SPECC1L: variants seen among roughly 807,000 people sequenced by gnomAD.
SPECC1L encodes sperm antigen with calponin homology and coiled-coil domains 1 like.
SPECC1L carries 40 observed loss-of-function variants against 116.8 expected under a neutral mutation model. The ratio of observed to expected loss-of-function variants is 0.34; its 90% CI spans 0.27 to 0.45. SPECC1L has a LOEUF of 0.45. Ranked by LOEUF, SPECC1L falls within the 20% of genes least tolerant of loss-of-function variation. The probability of loss-of-function intolerance (pLI) is 1.00; values close to 1 mark genes in which losing one functional copy is unlikely to be tolerated. For synonymous variants in SPECC1L, 504 were observed against 500.6 expected, an observed-to-expected ratio of 1.01 and a Z score of -0.09; for missense variants, 1,110 against 1,373.6, an observed-to-expected ratio of 0.81 and a Z score of 3.03.
rs572350586 is a variant in SPECC1L, at chr22:24,343,854, A to G, written c.2653-3232A>G. Among the ~76,000 whole-genome samples, 12 of 152,322 alleles carry G rather than the reference A, an allele frequency of 7.9e-5. No individual in the cohort carries two copies. In the South Asian group the frequency reaches 2.3e-3, roughly 29 times the overall value. Reference sequence around the variant, plus strand: ...ATTTAGGCAAACAAAAGCTGAGGGAATTCATTATCCACAGACAGTTGGGGG... The same window carrying G: ...ATTTAGGCAAACAAAAGCTGAGGGAGTTCATTATCCACAGACAGTTGGGGG... On this transcript the variant is annotated intron_variant, in intron 10 of 16. Coordinates refer to ENST00000314328, the MANE Select transcript of SPECC1L (RefSeq NM_015330.6).
chr22:24,393,616 G>A (rs2042311867), intron 14 of SPECC1L, among the ~76,000 whole-genome samples: 1 of 152,172 alleles, frequency 6.6e-6, no homozygotes, highest in Non-Finnish European at 1.5e-5. Flanking sequence ...GAGAGCCTGT[G>A]TGGTACCTAA....
intron 14 of SPECC1L, among the ~76,000 whole-genome samples, chr22:24,380,573 G>A (rs2042046541): frequency 6.6e-6 from 1 of 152,216 alleles, no homozygotes; most frequent in African/African-American, 2.4e-5. Context: ...GCTGATCACT[G>A]TAATTTCATT....
chr22:24,310,626 G>C (rs1280033424), intron 3 of SPECC1L, among the ~76,000 whole-genome samples: 1 of 151,996 alleles, frequency 6.6e-6, no homozygotes, highest in East Asian at 1.9e-4. Flanking sequence ...TTTGTAAACT[G>C]ATTGTGTGAT....
At chr22:24,291,814 A>G (rs2049162351) in intron 2 of SPECC1L, among the ~76,000 whole-genome samples, 1 of 152,222 alleles carries the variant, frequency 6.6e-6, no homozygotes, top group Admixed American at 6.5e-5. Flanking sequence ...ACCCAGGGAT[A>G]TAGAAGGATA....
intron 9 of SPECC1L, among the ~76,000 whole-genome samples, chr22:24,335,298 G>C (rs555425407): frequency 6.6e-6 from 1 of 152,054 alleles, no homozygotes; most frequent in Non-Finnish European, 1.5e-5. Context: ...AAAATCCTTC[G>C]GTTGCTTATT....
In SPECC1L at chr22:24,322,034, G is replaced by C. The variant is rs1370538222; in HGVS notation, c.1054G>C (p.Val352Leu). 6.2e-7 allele frequency: 1 copy of C among 1,614,176 alleles called. No homozygotes were observed. The highest frequency in any genetic ancestry group is 1.6e-4 in the Middle Eastern group (1 of 6,062). The change falls in exon 5 of 17, where the codon GTC (valine) becomes CTC (leucine). Residue 352 changes from valine (V) to leucine (L), a missense_variant. Physicochemically the swap from Val to Leu is conservative, Grantham distance 32. Coordinates refer to ENST00000314328, the MANE Select transcript of SPECC1L (RefSeq NM_015330.6). ...MDNLDSECSE[V>L]YQPLTSSDDA... ...CAATTTAGACAGTGAGTGCAGTGAG[G>C]TCTACCAGCCCCTCACATCGAGCGA...
chr22:24,284,923 A>G (rs957419135), intron 2 of SPECC1L, among the ~76,000 whole-genome samples: 4 of 152,184 alleles, frequency 2.6e-5, no homozygotes, highest in African/African-American at 9.7e-5. Flanking sequence ...ATGAGAAGAG[A>G]AAGGGAGAGA....
rs1186415259 is a variant in SPECC1L at position 24,321,473 on chromosome 22, C to T, written c.493C>T (p.Arg165Cys). The T allele has an allele frequency of 6.2e-7, 1 of 1,614,244 alleles. No homozygotes were observed. Among genetic ancestry groups the T allele is most frequent in the Non-Finnish European group, 8.5e-7 (1 of 1,180,056 alleles). ...TCGAACTGCTACAGAATGTGACGTT[C>T]GTATGAGCAAGTCTAAGTCAGACAA... ...RSRTATECDV[R>C]MSKSKSDNQI... Residue 165 changes from arginine (R) to cysteine (C), a missense_variant, in exon 5 of 17, where the codon CGT (arginine) becomes TGT (cysteine). Around this residue, in one of 4 missense-constraint regions of SPECC1L, gnomAD observed 437 missense variants for 482.6 expected, o/e 0.91. Coordinates refer to ENST00000314328, the MANE Select transcript of SPECC1L (RefSeq NM_015330.6).
chr22:24,306,740 ACCATCCATCT>A (rs2049506256), intron 3 of SPECC1L, among the ~76,000 whole-genome samples: 1 of 152,102 alleles, frequency 6.6e-6, no homozygotes, highest in South Asian at 2.1e-4. Flanking sequence ...AACCATCATC[ACCATCCATCT>A]CCAGAACTTG....
intron 14 of SPECC1L, among the ~76,000 whole-genome samples, chr22:24,410,461 C>A (rs1290833827): frequency 1.3e-5 from 2 of 152,222 alleles, no homozygotes; most frequent in African/African-American, 4.8e-5. Context: ...TTCTCCCTGG[C>A]AGAGTTGAGG....
chr22:24,399,280 A>T (rs930261653), intron 14 of SPECC1L, among the ~76,000 whole-genome samples: 2 of 152,220 alleles, frequency 1.3e-5, no homozygotes, highest in African/African-American at 4.8e-5. Context: ...TGACTAAAAA[A>T]AGTTAAAGCG....
chr22:24,296,214 A>C (rs963568289), intron 2 of SPECC1L, among the ~76,000 whole-genome samples: 4 of 152,172 alleles, frequency 2.6e-5, no homozygotes, highest in Admixed American at 6.5e-5. Context: ...GCAATCTCTG[A>C]TCCTTAGTTC....
chr22:24,333,729 A>ATATATAT (rs1165969166), intron 8 of SPECC1L, among the ~76,000 whole-genome samples: 15 of 152,148 alleles, frequency 9.9e-5, no homozygotes, highest in African/African-American at 3.6e-4. Flanking sequence ...GGTACTGGTG[A>ATATATAT]ACCTCCAGAC....
At chr22:24,336,057 T>C (rs1360599501) in intron 9 of SPECC1L, among the ~76,000 whole-genome samples, 1 of 151,978 alleles carries the variant, frequency 6.6e-6, no homozygotes, top group African/African-American at 2.4e-5. Context: ...CTAGAAATTG[T>C]TTAAATACCT....
Position 24,302,473 on chromosome 22 carries a change from G to T in SPECC1L, c.153+89G>T, listed in dbSNP as rs1308727948. 4 of 1,534,326 alleles carry T rather than the reference G, an allele frequency of 2.6e-6. No homozygotes were observed. The African/African-American group carries it at 5.5e-5, about 21-fold the overall frequency. ...AATATATTAAATGAGCATTCTTAGG[G>T]GTGTGCCCTCTTCTGGTGCTGGGAA... On this transcript the variant is annotated intron_variant, in intron 3 of 16. Transcript: ENST00000314328.
At chr22:24,279,742 C>T (rs1265976880) in intron 2 of SPECC1L, among the ~76,000 whole-genome samples, 1 of 151,878 alleles carries the variant, frequency 6.6e-6, no homozygotes, top group Non-Finnish European at 1.5e-5. Flanking sequence ...GCCACCATGC[C>T]CGGCTAATTT....
intron 10 of SPECC1L, among the ~76,000 whole-genome samples, chr22:24,346,112 T>G (rs1170503241): frequency 6.6e-6 from 1 of 151,896 alleles, no homozygotes; most frequent in Admixed American, 6.6e-5. Context: ...CTTCAAGTGA[T>G]TCTCCTGCCT....
At chr22:24,406,111 G>T (rs1422948524) in intron 14 of SPECC1L, among the ~76,000 whole-genome samples, 1 of 152,144 alleles carries the variant, frequency 6.6e-6, no homozygotes, top group Non-Finnish European at 1.5e-5. Context: ...GGAAGGTAGG[G>T]ATCATAAGTT....
chr22:24,273,497 G>A (rs5760301), intron 1 of SPECC1L, among the ~76,000 whole-genome samples: 84,196 of 151,946 alleles, frequency 0.55, 23,684 homozygotes, highest in African/African-American at 0.64. Context: ...AATAGTAAAT[G>A]CAAGGGTAGT....
Sources: gnomAD v4.1 joint callset for allele counts (sites outside exome capture counted in the v4.1 genomes callset) on GRCh38, gnomAD v4.1.1 for gene constraint, gnomAD v4.1.1 regional missense constraint, MANE v1.5 for transcripts, NCBI Gene and HGNC (gene_info 2026-07-23, HGNC 2026-07-21) for gene names.